Variants in IRAK4 observed in about 807,000 individuals in gnomAD.
IRAK4 encodes interleukin 1 receptor associated kinase 4, also known as interleukin-1 receptor-associated kinase 4.
In IRAK4, 44 loss-of-function variants were observed where a neutral mutation model predicts 51.8. The observed-to-expected ratio is 0.85, with a 90% CI of 0.67 to 1.09. The LOEUF is 1.09. Among genes scored for constraint, IRAK4 ranks in the 50% least tolerant of loss-of-function variants. The pLI is 0.00. For missense variants in IRAK4, 487 were observed against 538.0 expected (o/e 0.91, Z 0.94); for synonymous variants, 149 against 174.1 (o/e 0.86, Z 1.13).
chr12:43,770,576 G>A (rs1269463600), intron 2 of IRAK4, among the ~76,000 whole-genome samples: 4 of 152,110 alleles, frequency 2.6e-5, no homozygotes, highest in African/African-American at 9.7e-5. Flanking sequence ...TATCCAGTAA[G>A]TACCCAGTAA....
intron 10 of IRAK4, among the ~76,000 whole-genome samples, chr12:43,785,608 GTA>G (rs202059885): frequency 3.4e-5 from 5 of 145,962 alleles, no homozygotes; most frequent in Admixed American, 6.8e-5. Context: ...ATATACATTT[GTA>G]TATATATATG....
chr12:43,766,892 G>A (rs1940205742), intron 1 of IRAK4, among the ~76,000 whole-genome samples: 2 of 152,092 alleles, frequency 1.3e-5, no homozygotes, highest in Admixed American at 6.5e-5. Context: ...CAGTAAACAG[G>A]TAAACAAATA....
chr12:43,765,368 C>T (rs1194145377), intron 1 of IRAK4, among the ~76,000 whole-genome samples: 1 of 152,160 alleles, frequency 6.6e-6, no homozygotes, highest in Non-Finnish European at 1.5e-5. Flanking sequence ...ATCATCTCAT[C>T]CCTTAAAATG....
At chr12:43,777,545 TC>T in intron 6 of IRAK4, 84 bp from the exon 7 acceptor site, 3 of 1,275,680 alleles carry the variant, frequency 2.4e-6, no homozygotes, top group Non-Finnish European at 3.2e-6. Flanking sequence ...GCTCTTTTTT[TC>T]TATTAAAACT....
Position 43,771,441 on chromosome 12 carries a change from C to T in IRAK4, c.307+76C>T, listed in dbSNP as rs1592229046. The T allele has an allele frequency of 2.7e-6, 4 of 1,468,448 alleles. No individual in the cohort carries two copies. In the Admixed American group the frequency reaches 6.8e-5, roughly 25 times the overall value. 91.0% of individuals were successfully genotyped at this position (1,468,448 alleles called of 1,614,324 possible). On this transcript the variant is annotated intron_variant, in intron 3 of 11. Transcript: ENST00000613694. Reference sequence around the variant, plus strand: ...GCAGAAATATAAATGTTTCTTCTTACTCTTCCTTTTTTCTCATAGTAGATG... The same window carrying T: ...GCAGAAATATAAATGTTTCTTCTTATTCTTCCTTTTTTCTCATAGTAGATG...
rs1940361748 is a variant in IRAK4, at chr12:43,768,131, C to T, written c.20C>T (p.Pro7Leu). Residue 7 changes from proline (P) to leucine (L), a missense_variant, in exon 2 of 12, where the codon CCA becomes CTA. By Grantham distance (98) the Pro-to-Leu change is moderately conservative (BLOSUM62 -3). Transcript: ENST00000613694. ...TAGAAGATGAACAAACCCATAACACCATCAACATATGTGCGCTGCCTCAAT... is the reference window on the plus strand; with the variant it reads ...TAGAAGATGAACAAACCCATAACACTATCAACATATGTGCGCTGCCTCAAT... MNKPITPSTYVRCLNVG... is the reference protein window; with the variant it reads MNKPITLSTYVRCLNVG... The T allele has an allele frequency of 6.2e-7, 1 of 1,613,316 alleles. No homozygotes were observed.
At chr12:43,768,358 G>C in intron 2 of IRAK4, 86 bp downstream of exon 2, 1 of 1,006,310 alleles carries the variant, frequency 9.9e-7, no homozygotes, top group Non-Finnish European at 1.5e-6. Flanking sequence ...TAATGTGGCA[G>C]TTTAGAAAGT....
chr12:43,762,611 T>TG (rs1939682242), intron 1 of IRAK4, among the ~76,000 whole-genome samples: 1 of 152,216 alleles, frequency 6.6e-6, no homozygotes, highest in African/African-American at 2.4e-5. Context: ...GGTTGGGTCC[T>TG]AGCTCAGGAG....
rs1348050554 is a variant in IRAK4, at chr12:43,782,420, C to T, written c.1055C>T (p.Thr352Ile). The part of the protein sequence containing the change: ...TVMTSRIVGT[T>I]AYMAPEALRG... ...ATGACTAGCAGAATTGTGGGAACAA[C>T]AGCTTATATGGCACCAGAAGCTTTG... Residue 352 changes from threonine (T) to isoleucine (I), a missense_variant, in exon 9 of 12, where the codon ACA becomes ATA. Thr to Ile is a moderately conservative substitution (Grantham distance 89, BLOSUM62 -1). Coordinates refer to ENST00000613694, the MANE Select transcript of IRAK4 (RefSeq NM_016123.4). 2 of 1,613,938 alleles carry T rather than the reference C, an allele frequency of 1.2e-6. No individual in the cohort carries two copies. Among genetic ancestry groups the T allele is most frequent in the Non-Finnish European group, 8.5e-7 (1 of 1,179,842 alleles).
intron 1 of IRAK4, among the ~76,000 whole-genome samples, chr12:43,765,733 ATT>A (rs1940070612): frequency 6.6e-6 from 1 of 151,628 alleles, no homozygotes; most frequent in African/African-American, 2.4e-5. Flanking sequence ...CATAATGAGC[ATT>A]CTTTGCTGAA....
chr12:43,773,572 A>G (rs1940991474), intron 5 of IRAK4, among the ~76,000 whole-genome samples: 1 of 152,152 alleles, frequency 6.6e-6, no homozygotes, highest in Admixed American at 6.5e-5. Flanking sequence ...AAAAATATCA[A>G]TAGAATGCAT....
chr12:43,784,243 A>C (rs1036405216), intron 10 of IRAK4, among the ~76,000 whole-genome samples: 2 of 152,192 alleles, frequency 1.3e-5, no homozygotes, highest in Non-Finnish European at 2.9e-5. Flanking sequence ...CTCACACCAC[A>C]ACAACAATCA....
intron 1 of IRAK4, among the ~76,000 whole-genome samples, chr12:43,765,066 T>C (rs901363109): frequency 6.6e-6 from 1 of 152,322 alleles, no homozygotes. Context: ...CCTGTTACAA[T>C]TTTTTGAGGA....
chr12:43,774,149 A>G, intron 6 of IRAK4, 120 bp downstream of exon 6: 1 of 738,680 alleles, frequency 1.4e-6, no homozygotes. Flanking sequence ...AAATTAAAAT[A>G]AAGTGTTTAG....
chr12:43,787,614 A>G lies in IRAK4; in HGVS notation c.*899A>G, dbSNP rs1337943769. 1 of 152,254 alleles carries G rather than the reference A, an allele frequency of 6.6e-6. No individual in the cohort carries two copies. The highest frequency in any genetic ancestry group is 2.4e-5 in the African/African-American group (1 of 41,464). The allele number at this position is 152,254 out of a possible 1,614,324, so 9.4% of individuals were successfully genotyped here. On this transcript the variant is annotated 3_prime_UTR_variant, in exon 12 of 12. Transcript: ENST00000613694. ...CAACCACAAGGAACTGAATTCTGCC[A>G]AAAATCTGAGTCAGCTTAGAAGAGT...
In IRAK4 at chr12:43,777,752, ATTTG is replaced by A; in HGVS notation, c.831+11_831+14del. On this transcript the variant is annotated intron_variant, in intron 7 of 11. Coordinates refer to ENST00000613694, the MANE Select transcript of IRAK4 (RefSeq NM_016123.4). ...GACAGACTCTCTTGCTTGGTAAGCTATTTGTTCATCAGATTGTTTGGCTTTTTGT... is the reference window on the plus strand; with the variant it reads ...GACAGACTCTCTTGCTTGGTAAGCTATTCATCAGATTGTTTGGCTTTTTGT... The A allele has an allele frequency of 6.3e-7, 1 of 1,595,974 alleles. No homozygotes were observed. Among genetic ancestry groups the A allele is most frequent in the Non-Finnish European group, 8.6e-7 (1 of 1,163,858 alleles).
At position 43,789,066 on chromosome 12, in the gene IRAK4, A is replaced by G. The variant is rs1000225908; in HGVS notation, c.*2351A>G. 2.0e-5 allele frequency: 3 copies of G among 152,232 alleles called. No individual in the cohort carries two copies. Among genetic ancestry groups the G allele is most frequent in the Non-Finnish European group, 4.4e-5 (3 of 68,064 alleles). 9.4% of individuals were successfully genotyped at this position (152,232 alleles called of 1,614,324 possible). ...GTTAAGACTTTGGGAAGGGATGATT[A>G]TATTTTGCAATGTGAGAAAGACATT... On this transcript the variant is annotated 3_prime_UTR_variant, in exon 12 of 12. Transcript: ENST00000613694.
chr12:43,769,937 G>A (rs938306866), intron 2 of IRAK4, among the ~76,000 whole-genome samples: 7 of 152,084 alleles, frequency 4.6e-5, no homozygotes, highest in Admixed American at 6.6e-5. Context: ...CATCTGGCCC[G>A]TATTCTAAAA....
At chr12:43,776,750 T>C (rs980004235) in intron 6 of IRAK4, among the ~76,000 whole-genome samples, 3 of 152,264 alleles carry the variant, frequency 2.0e-5, no homozygotes, top group African/African-American at 7.2e-5. Context: ...AGCCCTGTTT[T>C]CTTTCGTCTT....
Sources: allele counts gnomAD v4.1 joint callset (sites outside exome capture counted in the v4.1 genomes callset), GRCh38; gene constraint gnomAD v4.1.1; transcripts MANE v1.5; gene names NCBI Gene and HGNC (gene_info 2026-07-23, HGNC 2026-07-21).